The following RBFOX1 variants were observed in gnomAD, a reference collection of about 807,000 sequenced individuals.
The protein encoded by RBFOX1 is RNA binding fox-1 homolog 1, also known as RNA binding protein fox-1 homolog 1.
RBFOX1 carries 8 observed loss-of-function variants against 57.7 expected under a neutral mutation model. The ratio of observed to expected loss-of-function variants is 0.14; its 90% CI spans 0.08 to 0.25. The LOEUF is 0.25. RBFOX1 is among the 10% of genes least tolerant of loss of function. RBFOX1 has a pLI of 1.00. For synonymous variants in RBFOX1, 326 were observed against 222.4 expected, an observed-to-expected ratio of 1.47 and a Z score of -4.15; for missense variants, 611 against 548.5, an observed-to-expected ratio of 1.11 and a Z score of -1.14.
At chr16:7,463,027 A>G (rs986870436) in intron 4 of RBFOX1, among the ~76,000 whole-genome samples, 1 of 152,174 alleles carries the variant, frequency 6.6e-6, no homozygotes, top group African/African-American at 2.4e-5. Context: ...CTAAATGCCA[A>G]AAACTGGTTG....
chr16:6,052,155 A>T (rs889207129), intron 1 of RBFOX1, among the ~76,000 whole-genome samples: 1 of 152,088 alleles, frequency 6.6e-6, no homozygotes, highest in Non-Finnish European at 1.5e-5. Flanking sequence ...AGAACAATTC[A>T]ACGCTGCTCC....
In RBFOX1 at chr16:6,362,687, C is replaced by G. The variant is rs141355141; in HGVS notation, c.-64+45630C>G. On this transcript the variant is annotated intron_variant, in intron 2 of 15. Coordinates refer to ENST00000550418, the MANE Select transcript of RBFOX1 (RefSeq NM_018723.4). ...TAACCAGAAGGTGACTGGTTCTGGTCTAGCTTGGGTCATTGGTAATCACAA... is the reference window on the plus strand; with the variant it reads ...TAACCAGAAGGTGACTGGTTCTGGTGTAGCTTGGGTCATTGGTAATCACAA... Among the ~76,000 whole-genome samples the G allele has an allele frequency of 4.0e-3, 605 of 152,314 alleles. 7 individuals are homozygous for G. The highest frequency in any genetic ancestry group is 0.014 in the African/African-American group (583 of 41,566).
intron 1 of RBFOX1, among the ~76,000 whole-genome samples, chr16:5,328,153 A>G (rs139447694): frequency 6.6e-6 from 1 of 152,264 alleles, no homozygotes; most frequent in East Asian, 1.9e-4. Flanking sequence ...GCAAATTCAT[A>G]TGTTGAAGCC....
intron 4 of RBFOX1, among the ~76,000 whole-genome samples, chr16:7,164,475 A>G (rs770878248): frequency 2.8e-4 from 42 of 152,190 alleles, no homozygotes; most frequent in African/African-American, 9.6e-4. Flanking sequence ...CTCTGGGTGA[A>G]TAGCCAGTAG....
At chr16:6,307,345 G>A (rs2079635600) in intron 1 of RBFOX1, among the ~76,000 whole-genome samples, 1 of 151,964 alleles carries the variant, frequency 6.6e-6, no homozygotes, top group African/African-American at 2.4e-5. Flanking sequence ...ATCGCGCACT[G>A]CACTCTAGCC....
intron 2 of RBFOX1, among the ~76,000 whole-genome samples, chr16:5,480,611 G>A (rs980920401): frequency 6.6e-6 from 1 of 152,174 alleles, no homozygotes; most frequent in South Asian, 2.1e-4. Flanking sequence ...TTAATTCTTT[G>A]TAGAAAATTC....
chr16:6,684,758 C>G (rs1180031562), intron 3 of RBFOX1, among the ~76,000 whole-genome samples: 1 of 152,176 alleles, frequency 6.6e-6, no homozygotes, highest in Non-Finnish European at 1.5e-5. Flanking sequence ...GTTAACTGGT[C>G]AGCAAAGTAA....
At chr16:6,801,307 C>T (rs944086694) in intron 3 of RBFOX1, among the ~76,000 whole-genome samples, 1 of 151,708 alleles carries the variant, frequency 6.6e-6, no homozygotes, top group Non-Finnish European at 1.5e-5. Context: ...TAAATGGGAT[C>T]TACAGTTGAG....
At chr16:6,226,739 C>G (rs907714564) in intron 1 of RBFOX1, among the ~76,000 whole-genome samples, 2 of 152,074 alleles carry the variant, frequency 1.3e-5, no homozygotes, top group African/African-American at 4.8e-5. Flanking sequence ...CTTTGACCCT[C>G]ACTTTCTTTC....
At chr16:6,531,765 T>G (rs1476970) in intron 2 of RBFOX1, among the ~76,000 whole-genome samples, 66,659 of 152,068 alleles carry the variant, frequency 0.44, 17,956 homozygotes, top group Non-Finnish European at 0.6. Context: ...GAGAACAAAG[T>G]AATTATCCTT....
At chr16:6,835,693 G>A (rs2093041605) in intron 3 of RBFOX1, among the ~76,000 whole-genome samples, 1 of 144,498 alleles carries the variant, frequency 6.9e-6, no homozygotes, top group South Asian at 2.3e-4. Context: ...GGTAGAGGTT[G>A]CAGTGAACCA....
intron 2 of RBFOX1, among the ~76,000 whole-genome samples, chr16:6,537,527 G>A (rs1051157846): frequency 8.5e-5 from 13 of 152,198 alleles, no homozygotes; most frequent in African/African-American, 3.1e-4. Flanking sequence ...ATGTGATCGA[G>A]TTGCTGAGCT....
intron 2 of RBFOX1, among the ~76,000 whole-genome samples, chr16:5,498,127 C>A (rs1475305867): frequency 6.6e-6 from 1 of 151,990 alleles, no homozygotes. Flanking sequence ...AAGGGGATTG[C>A]ATTTTATTCT....
At chr16:7,242,518 A>C (rs534473388) in intron 4 of RBFOX1, among the ~76,000 whole-genome samples, 1 of 152,266 alleles carries the variant, frequency 6.6e-6, no homozygotes, top group Non-Finnish European at 1.5e-5. Context: ...CTCATTACAC[A>C]TTGACTAAGG....
intron 3 of RBFOX1, among the ~76,000 whole-genome samples, chr16:5,756,472 A>G (rs187837658): frequency 4.3e-4 from 65 of 152,186 alleles, no homozygotes; most frequent in Middle Eastern, 3.4e-3. Flanking sequence ...ACATCTCCCA[A>G]ATGCCCAGGC....
chr16:5,850,821 G>C (rs1277040671), intron 3 of RBFOX1, among the ~76,000 whole-genome samples: 1 of 152,218 alleles, frequency 6.6e-6, no homozygotes, highest in East Asian at 1.9e-4. Flanking sequence ...GGCCAGGTGT[G>C]AGCAGTTCAC....
chr16:5,673,087 C>T (rs1444456841), intron 3 of RBFOX1, among the ~76,000 whole-genome samples: 1 of 152,110 alleles, frequency 6.6e-6, no homozygotes, highest in African/African-American at 2.4e-5. Context: ...TGTCTAGCGG[C>T]ATCTCTGCAT....
chr16:7,161,053 C>G (rs11644264), intron 4 of RBFOX1, among the ~76,000 whole-genome samples: 9 of 151,876 alleles, frequency 5.9e-5, no homozygotes, highest in African/African-American at 2.2e-4. Context: ...TCAGGTTGTT[C>G]CCAGCTACCC....
chr16:5,829,542 A>T (rs1410551720), intron 3 of RBFOX1, among the ~76,000 whole-genome samples: 1 of 152,122 alleles, frequency 6.6e-6, no homozygotes, highest in Non-Finnish European at 1.5e-5. Flanking sequence ...GTTCAGCTGC[A>T]TATGAGGATT....
Sources: allele counts gnomAD v4.1 joint callset (sites outside exome capture counted in the v4.1 genomes callset), GRCh38; gene constraint gnomAD v4.1.1; transcripts MANE v1.5; gene names NCBI Gene and HGNC (gene_info 2026-07-23, HGNC 2026-07-21).